Variants in STRN observed in about 807,000 individuals in gnomAD.
STRN encodes striatin.
STRN carries 53 observed loss-of-function variants against 96.3 expected under a neutral mutation model. That is an observed-to-expected ratio of 0.55 (90% CI 0.44 to 0.69). The LOEUF is 0.69. Among genes scored for constraint, STRN ranks in the 30% least tolerant of loss-of-function variants. The pLI, the probability that STRN is intolerant of heterozygous loss-of-function variation, is 0.00. For missense variants in STRN, 987 were observed against 963.9 expected (o/e 1.02, Z -0.32); for synonymous variants, 428 against 355.9 (o/e 1.20, Z -2.28).
chr2:36,915,087 C>T (rs1382029065), intron 3 of STRN, among the ~76,000 whole-genome samples: 1 of 150,390 alleles, frequency 6.6e-6, no homozygotes, highest in Non-Finnish European at 1.5e-5. Flanking sequence ...ATCCCAGCTA[C>T]TCGGGAGGCT....
In STRN at chr2:36,869,431, TG is replaced by T. The variant is rs747164650; in HGVS notation, c.1499+122del. ...AAATGGAAAAACACAATAAATTACATGACATGGAAGAAAGAACTAGAAGAAA... is the reference window on the plus strand; with the variant it reads ...AAATGGAAAAACACAATAAATTACATACATGGAAGAAAGAACTAGAAGAAA... On this transcript the variant is annotated intron_variant, in intron 11 of 17. Transcript: ENST00000263918. 5.4e-5 allele frequency: 52 copies of T among 954,168 alleles called. No individual in the cohort carries two copies. The South Asian group carries it at 5.7e-4, about 10-fold the overall frequency. 59.1% of individuals were successfully genotyped at this position (954,168 alleles called of 1,614,324 possible).
intron 1 of STRN, among the ~76,000 whole-genome samples, chr2:36,961,007 C>T (rs1665016374): frequency 6.6e-6 from 1 of 151,990 alleles, no homozygotes; most frequent in Admixed American, 6.6e-5. Flanking sequence ...AGCAATCCTC[C>T]CATCTCAGCC....
chr2:36,957,164 T>G (rs1187214891), intron 1 of STRN, among the ~76,000 whole-genome samples: 1 of 152,210 alleles, frequency 6.6e-6, no homozygotes, highest in Non-Finnish European at 1.5e-5. Context: ...ACCTCACATT[T>G]AGCTAGATCC....
At chr2:36,943,111 T>C (rs1299050333) in intron 1 of STRN, among the ~76,000 whole-genome samples, 1 of 152,046 alleles carries the variant, frequency 6.6e-6, no homozygotes, top group Non-Finnish European at 1.5e-5. Flanking sequence ...ACCCAAATGC[T>C]CAAAAAGAGA....
At chr2:36,902,490 G>A in intron 5 of STRN, 94 bp downstream of exon 5, 1 of 911,856 alleles carries the variant, frequency 1.1e-6, no homozygotes. Flanking sequence ...TTATTTCTAT[G>A]TCACTACCTA....
At chr2:36,928,858 G>A (rs1412665028) in intron 1 of STRN, among the ~76,000 whole-genome samples, 1 of 148,106 alleles carries the variant, frequency 6.8e-6, no homozygotes, top group Non-Finnish European at 1.5e-5. Flanking sequence ...CTGAGGCACA[G>A]AATTGCTTGA....
rs1407379999 is a variant in STRN at position 36,838,293 on chromosome 2, C to T, written c.*11163G>A. On this transcript the variant is annotated 3_prime_UTR_variant, in exon 18 of 18. Transcript: ENST00000263918. ...CTTTAATGAGGCTGGAAGCGAATTC[C>T]TCCTCAGAGCTTTAGTTGAGTACCC... Among the ~76,000 whole-genome samples the T allele has an allele frequency of 3.3e-5, 5 of 152,140 alleles. No homozygotes were observed. The highest frequency in any genetic ancestry group is 7.4e-5 in the Non-Finnish European group (5 of 68,026).
rs36064902 is a variant in STRN, at chr2:36,882,206, A to C, written c.1186+1726T>G. Among the ~76,000 whole-genome samples the C allele has an allele frequency of 2.4e-3, 367 of 152,306 alleles. 1 individual carries two copies. Among genetic ancestry groups the C allele is most frequent in the Non-Finnish European group, 3.7e-3 (251 of 68,018 alleles). ...TTTATTAAAAAAAAACAAGAAAAAA[A>C]CATATGATTATGCTGTGGCTTTTTC... On this transcript the variant is annotated intron_variant, in intron 9 of 17. Transcript: ENST00000263918.
At chr2:36,939,196 G>A (rs1339445764) in intron 1 of STRN, among the ~76,000 whole-genome samples, 1 of 152,116 alleles carries the variant, frequency 6.6e-6, no homozygotes, top group South Asian at 2.1e-4. Flanking sequence ...CTCCCAAAGT[G>A]CTAGGATTAC....
chr2:36,895,806 C>A (rs1394589211), intron 6 of STRN, among the ~76,000 whole-genome samples: 3 of 151,754 alleles, frequency 2.0e-5, no homozygotes, highest in African/African-American at 7.3e-5. Context: ...CACCTGTAGT[C>A]CCAGCTACTC....
rs971175352 is a variant in STRN, at chr2:36,964,359, A to C, written c.234+1871T>G. ...TAAATTTTAAGTAACTAATACAAAAATCATTCCCCACAACTGCACAACATT... is the reference window on the plus strand; with the variant it reads ...TAAATTTTAAGTAACTAATACAAAACTCATTCCCCACAACTGCACAACATT... On this transcript the variant is annotated intron_variant, in intron 1 of 17. Coordinates refer to ENST00000263918, the MANE Select transcript of STRN (RefSeq NM_003162.4). Among the ~76,000 whole-genome samples the C allele has an allele frequency of 7.2e-5, 11 of 152,208 alleles. No homozygotes were observed. The East Asian group carries it at 7.7e-4, about 11-fold the overall frequency.
At chr2:36,957,538 A>G (rs2148276733) in intron 1 of STRN, among the ~76,000 whole-genome samples, 1 of 152,234 alleles carries the variant, frequency 6.6e-6, no homozygotes, top group East Asian at 1.9e-4. Context: ...CAGTAAGCCA[A>G]GATCACACCA....
In STRN at chr2:36,913,482, G is replaced by A. The variant is rs186772553; in HGVS notation, c.412+2596C>T. 3.6e-4 allele frequency among the ~76,000 whole-genome samples: 55 copies of A among 152,220 alleles called. 1 individual carries two copies. In the East Asian group the frequency reaches 9.5e-3, roughly 26 times the overall value. ...GTTAATTCCTACTTGTCCTTCAGATGTCAAAATTAAACATCACTTCCTCCA... is the reference window on the plus strand; with the variant it reads ...GTTAATTCCTACTTGTCCTTCAGATATCAAAATTAAACATCACTTCCTCCA... On this transcript the variant is annotated intron_variant, in intron 3 of 17. Coordinates refer to ENST00000263918, the MANE Select transcript of STRN (RefSeq NM_003162.4).
intron 1 of STRN, among the ~76,000 whole-genome samples, chr2:36,955,659 G>A (rs1383143012): frequency 1.1e-4 from 16 of 151,654 alleles, no homozygotes; most frequent in South Asian, 2.1e-4. Context: ...CGATTACTAC[G>A]TCCAGTCCTT....
intron 6 of STRN, among the ~76,000 whole-genome samples, chr2:36,897,701 T>C (rs1669581494): frequency 6.6e-6 from 1 of 152,052 alleles, no homozygotes; most frequent in Admixed American, 6.6e-5. Context: ...CCTCCCAAAG[T>C]GCTGGGATTA....
chr2:36,965,410 G>C (rs910574307), intron 1 of STRN, among the ~76,000 whole-genome samples: 7 of 152,050 alleles, frequency 4.6e-5, no homozygotes, highest in Non-Finnish European at 8.8e-5. Context: ...CTCCTCCCTG[G>C]ATATACTTTA....
intron 9 of STRN, among the ~76,000 whole-genome samples, chr2:36,878,573 C>A (rs1558634096): frequency 6.6e-6 from 1 of 152,084 alleles, no homozygotes; most frequent in Non-Finnish European, 1.5e-5. Context: ...AGAAAGGAAG[C>A]AACAACAGGA....
intron 11 of STRN, among the ~76,000 whole-genome samples, chr2:36,868,875 T>A (rs1668695116): frequency 2.0e-5 from 3 of 150,180 alleles, no homozygotes; most frequent in Admixed American, 2.0e-4. Context: ...GCTGGTTCTT[T>A]TTTTTTTTTT....
intron 12 of STRN, 85 bp downstream of exon 12, chr2:36,867,729 C>A: frequency 5.9e-6 from 5 of 850,632 alleles, no homozygotes; most frequent in South Asian, 2.5e-5. Context: ...CAAAGAATAC[C>A]TAGTAAGTGA....
Sources: allele counts gnomAD v4.1 joint callset (sites outside exome capture counted in the v4.1 genomes callset), GRCh38; gene constraint gnomAD v4.1.1; transcripts MANE v1.5; gene names NCBI Gene and HGNC (gene_info 2026-07-23, HGNC 2026-07-21).